RFC1: variants seen among roughly 807,000 people sequenced by gnomAD.
RFC1 encodes A1 140 kDa subunit.
A neutral mutation model predicts 137.4 loss-of-function variants in RFC1; 37 were observed. The ratio of observed to expected loss-of-function variants is 0.27; its 90% CI spans 0.21 to 0.35. The LOEUF (loss-of-function observed/expected upper bound fraction) is 0.35. RFC1 is among the 10% of genes least tolerant of loss of function. The pLI is 1.00. For missense variants in RFC1, 1,205 were observed against 1,358.5 expected, an observed-to-expected ratio of 0.89 and a Z score of 1.78; for synonymous variants, 429 against 455.7, an observed-to-expected ratio of 0.94 and a Z score of 0.75.
At chr4:39,293,758 AAATCTACATGG>A (rs1295973894) in intron 22 of RFC1, among the ~76,000 whole-genome samples, 1 of 152,146 alleles carries the variant, frequency 6.6e-6, no homozygotes, top group Admixed American at 6.5e-5. Flanking sequence ...CCAGGGCTCA[AAATCTACATGG>A]AGTCTAGCGG....
intron 7 of RFC1, chr4:39,321,800 C>A: frequency 6.4e-6 from 1 of 155,400 alleles, no homozygotes; most frequent in South Asian, 2.0e-4. Flanking sequence ...TCCATTCTTT[C>A]CACTGCTCCT....
intron 4 of RFC1, among the ~76,000 whole-genome samples, chr4:39,335,519 G>A (rs1023768223): frequency 6.6e-6 from 1 of 152,048 alleles, no homozygotes; most frequent in Non-Finnish European, 1.5e-5. Context: ...TTTATAATTC[G>A]TGGGGTCTAG....
intron 4 of RFC1, chr4:39,341,523 A>G: frequency 2.3e-6 from 1 of 434,534 alleles, no homozygotes; most frequent in Non-Finnish European, 4.6e-6. Flanking sequence ...TTCATCAACA[A>G]ATGTTTCACG....
chr4:39,341,639 C>A (rs1385444353), intron 4 of RFC1: 2 of 456,212 alleles, frequency 4.4e-6, no homozygotes, highest in Non-Finnish European at 8.8e-6. Flanking sequence ...CGTACAGCAT[C>A]CCGTATTATT....
chr4:39,306,738 T>C (rs373041120), intron 13 of RFC1, 37 bp from the exon 14 acceptor site: 65 of 1,178,118 alleles, frequency 5.5e-5, no homozygotes, highest in Non-Finnish European at 8.1e-5. Flanking sequence ...TGTCAACCTA[T>C]ATCACCTAAC....
chr4:39,308,144 T>G (rs1331625907), intron 13 of RFC1, among the ~76,000 whole-genome samples: 2 of 152,178 alleles, frequency 1.3e-5, no homozygotes, highest in African/African-American at 4.8e-5. Context: ...CCTCTGTTAT[T>G]TATTCACAGC....
intron 10 of RFC1, among the ~76,000 whole-genome samples, chr4:39,315,141 G>A (rs1021908099): frequency 6.6e-6 from 1 of 151,994 alleles, no homozygotes; most frequent in Non-Finnish European, 1.5e-5. Flanking sequence ...TCTTCCACCC[G>A]CTTCCATCAG....
chr4:39,299,736 A>T (rs1226371671), intron 21 of RFC1, among the ~76,000 whole-genome samples: 1 of 151,916 alleles, frequency 6.6e-6, no homozygotes, highest in East Asian at 1.9e-4. Context: ...GAGCCATAAC[A>T]TTTATCTGGT....
rs1171435752 is a variant in RFC1, at chr4:39,303,056, T to G, written c.2202+4A>C. 6.2e-7 allele frequency: 1 copy of G among 1,603,790 alleles called. No homozygotes were observed. The highest frequency in any genetic ancestry group is 8.5e-7 in the Non-Finnish European group (1 of 1,170,676). ...AAACTGCAAAAATACAGCACTTGAA[T>G]TACCTGAATTCCTCCCCTATCCTCA... On this transcript the variant is annotated splice_donor_region_variant and intron_variant, in intron 16 of 24. Coordinates refer to ENST00000349703, the MANE Select transcript of RFC1 (RefSeq NM_002913.5).
chr4:39,323,218 T>A (rs573504658), intron 7 of RFC1, 122 bp downstream of exon 7: 926 of 608,820 alleles, frequency 1.5e-3, no homozygotes, highest in Admixed American at 2.8e-3. Flanking sequence ...AACATTTTTA[T>A]AAAATAATTT....
intron 8 of RFC1, 48 bp from the exon 9 acceptor site, chr4:39,320,717 T>A (rs935592443): frequency 6.7e-7 from 1 of 1,500,878 alleles, no homozygotes; most frequent in Non-Finnish European, 8.9e-7. Context: ...AAAATGATAA[T>A]CTATATCAAC....
At chr4:39,320,987 A>T (rs1739491989) in intron 8 of RFC1, among the ~76,000 whole-genome samples, 1 of 152,170 alleles carries the variant, frequency 6.6e-6, no homozygotes, top group Admixed American at 6.6e-5. Context: ...AAAGCTCAAA[A>T]CATCTAGGTT....
At chr4:39,303,002 T>C in intron 16 of RFC1, 58 bp downstream of exon 16, 2 of 1,498,352 alleles carry the variant, frequency 1.3e-6, no homozygotes. Context: ...AGAATGACAA[T>C]GTTCTAACAA....
chr4:39,327,524 C>G lies in RFC1; in HGVS notation c.564G>C (p.Glu188Asp). 6.2e-7 allele frequency: 1 copy of G among 1,601,666 alleles called. No individual in the cohort carries two copies. The highest frequency in any genetic ancestry group is 8.5e-7 in the Non-Finnish European group (1 of 1,172,494). The change falls in exon 5 of 25, where the codon GAG becomes GAC. Residue 188 changes from glutamate to aspartate, a missense_variant and splice_region_variant. This residue lies in a region of RFC1 where 962 missense variants were observed against 1,035.3 expected (regional missense o/e 0.93). Transcript: ENST00000349703. ...ACTTGCTTATATGTAGAACACTTAC[C>G]TCTTTTCTTTTGCTTGCCACCATCT... ...NKKMVASKRK[E>D]LSQNTDESGL...
intron 4 of RFC1, among the ~76,000 whole-genome samples, chr4:39,329,555 C>G (rs188413705): frequency 0.015 from 2,191 of 150,724 alleles, 50 homozygotes; most frequent in African/African-American, 0.051. Flanking sequence ...CAGAGCAAGA[C>G]TCTGTCTCAA....
Position 39,302,795 on chromosome 4 carries a change from G to C in RFC1, c.2282C>G (p.Ser761Cys). ...AAGATCAAAACAATAATGAACCAGA[G>C]AGCGAATCTTGGGATGATTTCTATC... ...CNDRNHPKIRSLVHYCFDLRF... is the reference protein window; with the variant it reads ...CNDRNHPKIRCLVHYCFDLRF... Residue 761 changes from serine to cysteine, a missense_variant, in exon 17 of 25, where the codon TCT (serine) becomes TGT (cysteine). Transcript: ENST00000349703. The C allele has an allele frequency of 6.2e-7, 1 of 1,606,136 alleles. No homozygotes were observed. Among genetic ancestry groups the C allele is most frequent in the Non-Finnish European group, 8.5e-7 (1 of 1,177,330 alleles).
rs71594924 is a variant in RFC1, at chr4:39,329,127, CAAAAAAAAAAAAAA to C, written c.332-1385_332-1372del. Among the ~76,000 whole-genome samples, 75 of 31,660 alleles carry C rather than the reference CAAAAAAAAAAAAAA, an allele frequency of 2.4e-3. 3 individuals carry two copies. The highest frequency in any genetic ancestry group is 0.011 in the African/African-American group (66 of 5,846). 20.8% of individuals were successfully genotyped at this position (31,660 alleles called of 152,430 possible). On this transcript the variant is annotated intron_variant, in intron 4 of 24. Transcript: ENST00000349703. ...TAAATTTGTTTGCTTCAGTGACTCA[CAAAAAAAAAAAAAA>C]AAAAAAAAAAAAGCTTTTCGATTTG...
chr4:39,312,744 G>A lies in RFC1; in HGVS notation c.1383+8C>T. The A allele has an allele frequency of 6.2e-7, 1 of 1,613,092 alleles. No homozygotes were observed. The highest frequency in any genetic ancestry group is 1.3e-5 in the African/African-American group (1 of 74,994). ...GTGTCATGGTGTTGAGAACAAAGCA[G>A]TACCCACCTTATCACTCTTGGACTG... On this transcript the variant is annotated splice_region_variant and intron_variant, in intron 11 of 24. Coordinates refer to ENST00000349703, the MANE Select transcript of RFC1 (RefSeq NM_002913.5).
Position 39,334,402 on chromosome 4 carries a change from T to C in RFC1, c.332-6646A>G, listed in dbSNP as rs17334839. 6.8e-3 allele frequency among the ~76,000 whole-genome samples: 1,038 copies of C among 152,194 alleles called. 15 individuals are homozygous for C. The highest frequency in any genetic ancestry group is 0.024 in the African/African-American group (982 of 41,528). Reference sequence around the variant, plus strand: ...TAACATTTTAAAGGCTATACCAATATATTATGGAAAGAAGACAAAACAGGC... The same window carrying C: ...TAACATTTTAAAGGCTATACCAATACATTATGGAAAGAAGACAAAACAGGC... On this transcript the variant is annotated intron_variant, in intron 4 of 24. Transcript: ENST00000349703.
Sources: allele counts gnomAD v4.1 joint callset (sites outside exome capture counted in the v4.1 genomes callset), GRCh38; gene constraint gnomAD v4.1.1; regional missense constraint gnomAD v4.1.1; transcripts MANE v1.5; gene names NCBI Gene and HGNC (gene_info 2026-07-23, HGNC 2026-07-21).